USP12: variants seen among roughly 807,000 people sequenced by gnomAD.
USP12 encodes ubiquitin carboxyl-terminal hydrolase 12.
A neutral mutation model predicts 45.5 loss-of-function variants in USP12; 19 were observed. The observed-to-expected ratio is 0.42, with a 90% CI of 0.29 to 0.61. USP12 has a LOEUF of 0.61. Among genes scored for constraint, USP12 ranks in the 20% least tolerant of loss-of-function variants. USP12 has a pLI of 0.22. For synonymous variants in USP12, 149 were observed against 148.8 expected (o/e 1.00, Z -0.01); for missense variants, 242 against 447.7 (o/e 0.54, Z 4.15).
intron 3 of USP12, among the ~76,000 whole-genome samples, chr13:27,102,961 A>G (rs1215110812): frequency 6.6e-6 from 1 of 152,254 alleles, no homozygotes; most frequent in Non-Finnish European, 1.5e-5. Context: ...TCTATGCAGG[A>G]GCACTGTGCA....
chr13:27,164,930 T>TA (rs1878283911), intron 1 of USP12, among the ~76,000 whole-genome samples: 1 of 152,072 alleles, frequency 6.6e-6, no homozygotes, highest in Non-Finnish European at 1.5e-5. Flanking sequence ...CCCTAAAGGA[T>TA]AGAGCATAAG....
Position 27,068,600 on chromosome 13 carries a change from A to C in USP12, c.*683T>G, listed in dbSNP as rs985925723. On this transcript the variant is annotated 3_prime_UTR_variant, in exon 9 of 9. Coordinates refer to ENST00000282344, the MANE Select transcript of USP12 (RefSeq NM_182488.4). Reference sequence around the variant, plus strand: ...ATAATACTTAGACTCTACCAGTTTTAAGTAAAATAAATAAGGAAAAAATTA... The same window carrying C: ...ATAATACTTAGACTCTACCAGTTTTCAGTAAAATAAATAAGGAAAAAATTA... 6.6e-6 allele frequency: 1 copy of C among 152,232 alleles called. No individual in the cohort carries two copies. The highest frequency in any genetic ancestry group is 2.4e-5 in the African/African-American group (1 of 41,456). The allele number at this position is 152,232 out of a possible 1,614,324, so 9.4% of individuals were successfully genotyped here. A position where few individuals can be genotyped will look rare whatever the true frequency, so the allele number is the denominator to read the frequency against.
intron 1 of USP12, among the ~76,000 whole-genome samples, chr13:27,125,761 T>C (rs914973795): frequency 1.3e-5 from 2 of 152,226 alleles, no homozygotes; most frequent in African/African-American, 4.8e-5. Flanking sequence ...CCAAATACTG[T>C]GCTTTTCTGA....
intron 1 of USP12, among the ~76,000 whole-genome samples, chr13:27,133,208 A>G (rs1876593597): frequency 6.6e-6 from 1 of 152,196 alleles, no homozygotes; most frequent in Non-Finnish European, 1.5e-5. Flanking sequence ...TTCCAGTTCA[A>G]TAAACTTAAC....
chr13:27,079,246 A>G (rs1873639136), intron 6 of USP12, among the ~76,000 whole-genome samples: 1 of 151,148 alleles, frequency 6.6e-6, no homozygotes, highest in African/African-American at 2.4e-5. Flanking sequence ...AGAGGGAAGG[A>G]AACCAGGTAA....
At chr13:27,069,497 A>T in intron 8 of USP12, 113 bp from the exon 9 acceptor site, 1 of 811,052 alleles carries the variant, frequency 1.2e-6, no homozygotes, top group South Asian at 1.5e-5. Context: ...GGGAAAATGG[A>T]ACTCTCACAC....
intron 1 of USP12, among the ~76,000 whole-genome samples, chr13:27,167,030 A>C (rs184145279): frequency 3.1e-4 from 47 of 152,306 alleles, no homozygotes; most frequent in African/African-American, 1.0e-3. Context: ...ATACAACTCA[A>C]GTTTTTTAAA....
intron 1 of USP12, among the ~76,000 whole-genome samples, chr13:27,139,332 T>G (rs117982689): frequency 6.6e-6 from 1 of 152,348 alleles, no homozygotes; most frequent in East Asian, 1.9e-4. Flanking sequence ...ATAGTCACTC[T>G]TGGCTGGGTG....
At position 27,068,921 on chromosome 13, in the gene USP12, G is replaced by A. The variant is rs533996936; in HGVS notation, c.*362C>T. ...TTCAACATCATCTCCTTATCAATACGGCACAGATTCCGATTCTTTCTACTG... is the reference window on the plus strand; with the variant it reads ...TTCAACATCATCTCCTTATCAATACAGCACAGATTCCGATTCTTTCTACTG... On this transcript the variant is annotated 3_prime_UTR_variant, in exon 9 of 9. Transcript: ENST00000282344. 9.7e-4 allele frequency: 269 copies of A among 277,490 alleles called. 2 individuals carry two copies. Among genetic ancestry groups the A allele is most frequent in the South Asian group, 1.9e-3 (43 of 22,348 alleles). The allele number at this position is 277,490 out of a possible 1,614,324, so 17.2% of individuals were successfully genotyped here. A position where few individuals can be genotyped will look rare whatever the true frequency, so the allele number is the denominator to read the frequency against.
chr13:27,151,632 A>C (rs1207343904), intron 1 of USP12, among the ~76,000 whole-genome samples: 1 of 152,082 alleles, frequency 6.6e-6, no homozygotes, highest in Non-Finnish European at 1.5e-5. Flanking sequence ...AAAGTAAAAA[A>C]TTAGCCAGGC....
chr13:27,146,483 G>T (rs914588387), intron 1 of USP12, among the ~76,000 whole-genome samples: 18 of 152,126 alleles, frequency 1.2e-4, no homozygotes, highest in Admixed American at 1.0e-3. Context: ...GTTATGGAGA[G>T]GATAGAATCA....
chr13:27,168,067 T>A (rs765912823), intron 1 of USP12, among the ~76,000 whole-genome samples: 3 of 152,250 alleles, frequency 2.0e-5, no homozygotes, highest in Non-Finnish European at 2.9e-5. Context: ...CTCAGGGTGC[T>A]GTGCTAGGCA....
chr13:27,075,169 A>G, intron 7 of USP12, 22 bp downstream of exon 7: 5 of 1,612,954 alleles, frequency 3.1e-6, no homozygotes, highest in Non-Finnish European at 4.2e-6. Context: ...TTCCACTACT[A>G]TGTCCCCGGA....
chr13:27,116,637 C>A, intron 1 of USP12, 41 bp from the exon 2 acceptor site: 2 of 1,582,478 alleles, frequency 1.3e-6, no homozygotes, highest in South Asian at 2.3e-5. Flanking sequence ...TTATAGTAGT[C>A]ATGCACCACA....
chr13:27,086,197 A>AAATATAT (rs1555233235), intron 6 of USP12, among the ~76,000 whole-genome samples: 38 of 56,934 alleles, frequency 6.7e-4, no homozygotes, highest in Admixed American at 1.4e-3. Flanking sequence ...AAAAAAAAAA[A>AAATATAT]ATATATATAT....
chr13:27,086,186 AAAAAAAAAAAAAT>A lies in USP12; in HGVS notation c.734+3684_734+3696del, dbSNP rs1441526698. Among the ~76,000 whole-genome samples the A allele has an allele frequency of 2.0e-3, 202 of 101,902 alleles. 4 individuals carry two copies. Among genetic ancestry groups the A allele is most frequent in the African/African-American group, 6.9e-3 (189 of 27,450 alleles). 66.9% of individuals were successfully genotyped at this position (101,902 alleles called of 152,430 possible). ...TCTTTTGTCTCTTTAAAAAAAAAAAAAAAAAAAAAAAATATATATATATATATATATATGCGCA... is the reference window on the plus strand; with the variant it reads ...TCTTTTGTCTCTTTAAAAAAAAAAAAATATATATATATATATATATGCGCA... On this transcript the variant is annotated intron_variant, in intron 6 of 8. Coordinates refer to ENST00000282344, the MANE Select transcript of USP12 (RefSeq NM_182488.4).
intron 2 of USP12, among the ~76,000 whole-genome samples, chr13:27,110,921 T>C (rs1175229770): frequency 1.3e-5 from 2 of 152,076 alleles, no homozygotes; most frequent in African/African-American, 4.8e-5. Context: ...AAAGAGATCA[T>C]CTCCAAGTAT....
intron 1 of USP12, among the ~76,000 whole-genome samples, chr13:27,118,455 A>G (rs907702374): frequency 6.6e-6 from 1 of 152,204 alleles, no homozygotes; most frequent in Non-Finnish European, 1.5e-5. Context: ...GCAATATGTC[A>G]TAACAATACC....
chr13:27,146,448 T>TA (rs149926076), intron 1 of USP12, among the ~76,000 whole-genome samples: 8,021 of 152,052 alleles, frequency 0.053, 252 homozygotes, highest in Non-Finnish European at 0.056. Flanking sequence ...AGGCTAGGGG[T>TA]ATAAGGTAGG....
Sources: gnomAD v4.1 joint callset for allele counts (sites outside exome capture counted in the v4.1 genomes callset) on GRCh38, gnomAD v4.1.1 for gene constraint, MANE v1.5 for transcripts, NCBI Gene and HGNC (gene_info 2026-07-23, HGNC 2026-07-21) for gene names.